Variants in PLXNA4 observed in about 807,000 individuals in gnomAD.
PLXNA4 encodes plexin-A4.
Under a neutral mutation model 191.8 loss-of-function variants are expected in PLXNA4, and 44 were observed. The observed-to-expected ratio is 0.23, with a 90% confidence interval of 0.18 to 0.29. The LOEUF is 0.29. Among genes scored for constraint, PLXNA4 ranks in the 10% least tolerant of loss-of-function variants. The pLI, the probability that PLXNA4 is intolerant of heterozygous loss-of-function variation, is 1.00. For missense variants in PLXNA4, 1,800 were observed against 2,488.8 expected, an observed-to-expected ratio of 0.72 and a Z score of 5.89; for synonymous variants, 1,082 against 1,009.5, an observed-to-expected ratio of 1.07 and a Z score of -1.36.
chr7:132,390,793 A>C (rs1459614618), intron 3 of PLXNA4, among the ~76,000 whole-genome samples: 2 of 152,132 alleles, frequency 1.3e-5, no homozygotes, highest in African/African-American at 4.8e-5. Flanking sequence ...GCACTCCTTG[A>C]AAGTCCCAAG....
intron 4 of PLXNA4, among the ~76,000 whole-genome samples, chr7:132,294,700 T>A (rs1801013255): frequency 6.6e-6 from 1 of 152,128 alleles, no homozygotes; most frequent in African/African-American, 2.4e-5. Context: ...CAACTCAAGA[T>A]GAGATTTGGG....
chr7:132,562,756 C>G (rs144247294), intron 1 of PLXNA4, among the ~76,000 whole-genome samples: 1,935 of 127,412 alleles, frequency 0.015, 23 homozygotes, highest in Non-Finnish European at 0.022. Flanking sequence ...TCCTTCTCCT[C>G]CTCCTCCTTC....
intron 4 of PLXNA4, among the ~76,000 whole-genome samples, chr7:132,275,718 T>C (rs1218923051): frequency 2.6e-5 from 4 of 152,074 alleles, no homozygotes; most frequent in Non-Finnish European, 5.9e-5. Flanking sequence ...TGGAAATGAG[T>C]CGCCAGCACC....
intron 10 of PLXNA4, among the ~76,000 whole-genome samples, chr7:132,207,332 G>A (rs1656916784): frequency 1.3e-5 from 2 of 152,226 alleles, no homozygotes; most frequent in Admixed American, 6.5e-5. Flanking sequence ...GCGGAAGCTG[G>A]GCCTGGCCCC....
chr7:132,437,806 A>G (rs958772869), intron 3 of PLXNA4, among the ~76,000 whole-genome samples: 3 of 152,208 alleles, frequency 2.0e-5, no homozygotes, highest in Admixed American at 6.5e-5. Flanking sequence ...GACTGTCAGC[A>G]GCAGGAGGGT....
intron 3 of PLXNA4, among the ~76,000 whole-genome samples, chr7:132,323,426 A>G (rs1436185901): frequency 1.3e-5 from 2 of 152,160 alleles, no homozygotes; most frequent in Admixed American, 1.3e-4. Flanking sequence ...AGGCATTATT[A>G]CCTCCAAAGC....
chr7:132,559,244 A>T (rs1162234480), intron 1 of PLXNA4, among the ~76,000 whole-genome samples: 1 of 152,152 alleles, frequency 6.6e-6, no homozygotes, highest in African/African-American at 2.4e-5. Flanking sequence ...CATGAGGAGG[A>T]ATGAACAGAA....
Position 132,330,729 on chromosome 7 carries a change from G to A in PLXNA4, c.1372-32507C>T, listed in dbSNP as rs190658197. Among the ~76,000 whole-genome samples, 188 of 152,234 alleles carry A rather than the reference G, an allele frequency of 1.2e-3. 1 individual carries two copies. Among genetic ancestry groups the A allele is most frequent in the Non-Finnish European group, 2.1e-3 (142 of 68,024 alleles). On this transcript the variant is annotated intron_variant, in intron 3 of 31. Coordinates refer to ENST00000321063, the MANE Select transcript of PLXNA4 (RefSeq NM_020911.2). Reference sequence around the variant, plus strand: ...TATGGGTCTGATCTTGAATCTACTGGAATCACAAGGATGGACATGTCCAAG... The same window carrying A: ...TATGGGTCTGATCTTGAATCTACTGAAATCACAAGGATGGACATGTCCAAG...
intron 3 of PLXNA4, among the ~76,000 whole-genome samples, chr7:132,366,821 G>A (rs1476430869): frequency 6.6e-6 from 1 of 152,190 alleles, no homozygotes; most frequent in Non-Finnish European, 1.5e-5. Flanking sequence ...GAGTGCAGTA[G>A]TGCAATCATA....
At chr7:132,440,736 A>G (rs1041747156) in intron 3 of PLXNA4, among the ~76,000 whole-genome samples, 1 of 152,208 alleles carries the variant, frequency 6.6e-6, no homozygotes, top group African/African-American at 2.4e-5. Flanking sequence ...AGAGTCAACC[A>G]GAAGGGGTCA....
chr7:132,207,924 G>A (rs980964235), intron 10 of PLXNA4, among the ~76,000 whole-genome samples: 2 of 152,216 alleles, frequency 1.3e-5, no homozygotes, highest in Non-Finnish European at 2.9e-5. Context: ...TATGAAACTG[G>A]ATTCAAGTTC....
At chr7:132,443,794 T>C (rs1795789352) in intron 3 of PLXNA4, among the ~76,000 whole-genome samples, 1 of 152,262 alleles carries the variant, frequency 6.6e-6, no homozygotes, top group African/African-American at 2.4e-5. Context: ...CTTCATTTTC[T>C]AAATTGGTAC....
chr7:132,561,930 TC>T (rs1801145044), intron 1 of PLXNA4, among the ~76,000 whole-genome samples: 1 of 141,496 alleles, frequency 7.1e-6, no homozygotes, highest in African/African-American at 2.7e-5. Flanking sequence ...CTCCTCATCC[TC>T]CTCCTCCTTA....
chr7:132,304,058 T>C (rs968235333), intron 3 of PLXNA4, among the ~76,000 whole-genome samples: 3 of 152,168 alleles, frequency 2.0e-5, no homozygotes, highest in African/African-American at 7.2e-5. Flanking sequence ...CAAAGCCACC[T>C]TAGGGGACAA....
At chr7:132,176,651 T>C (rs1796472855) in intron 20 of PLXNA4, among the ~76,000 whole-genome samples, 1 of 152,068 alleles carries the variant, frequency 6.6e-6, no homozygotes, top group Non-Finnish European at 1.5e-5. Flanking sequence ...TGTGTAGGCA[T>C]GTGCAAGTGT....
At chr7:132,420,753 A>T (rs1794821323) in intron 3 of PLXNA4, among the ~76,000 whole-genome samples, 1 of 152,158 alleles carries the variant, frequency 6.6e-6, no homozygotes, top group Non-Finnish European at 1.5e-5. Flanking sequence ...AGGTAATTGC[A>T]TCATGGGGGC....
chr7:132,439,856 T>G (rs907311528), intron 3 of PLXNA4, among the ~76,000 whole-genome samples: 1 of 152,212 alleles, frequency 6.6e-6, no homozygotes, highest in Non-Finnish European at 1.5e-5. Context: ...GAGAAGCACC[T>G]GGTTCCTGAC....
At chr7:132,389,960 C>T (rs532305219) in intron 3 of PLXNA4, among the ~76,000 whole-genome samples, 1 of 152,326 alleles carries the variant, frequency 6.6e-6, no homozygotes, top group East Asian at 1.9e-4. Flanking sequence ...TGCTTTTACA[C>T]TGTTGGTGGG....
At chr7:132,602,748 A>G (rs1394616208) in intron 2 of PLXNA4, among the ~76,000 whole-genome samples, 1 of 152,190 alleles carries the variant, frequency 6.6e-6, no homozygotes, top group Non-Finnish European at 1.5e-5. Flanking sequence ...AGACATGAGA[A>G]TCAGCCATTG....
Sources: allele counts gnomAD v4.1 joint callset (sites outside exome capture counted in the v4.1 genomes callset), GRCh38; gene constraint gnomAD v4.1.1; transcripts MANE v1.5; gene names NCBI Gene and HGNC (gene_info 2026-07-23, HGNC 2026-07-21).